The following BRINP2 variants were observed in gnomAD, a reference collection of about 807,000 sequenced individuals.
The protein encoded by BRINP2 is BMP/retinoic acid-inducible neural-specific protein 2.
In BRINP2, 21 loss-of-function variants were observed where a neutral mutation model predicts 69.2. The observed-to-expected ratio is 0.30, with a 90% CI of 0.22 to 0.44. BRINP2 has a LOEUF of 0.44. BRINP2 is among the 20% of genes least tolerant of loss of function. The pLI, the probability that BRINP2 is intolerant of heterozygous loss-of-function variation, is 1.00. For missense variants in BRINP2, 877 were observed against 986.0 expected, an observed-to-expected ratio of 0.89 and a Z score of 1.48; for synonymous variants, 380 against 394.1, an observed-to-expected ratio of 0.96 and a Z score of 0.42.
At chr1:177,173,326 T>C (rs1647994849) in intron 1 of BRINP2, among the ~76,000 whole-genome samples, 1 of 152,220 alleles carries the variant, frequency 6.6e-6, no homozygotes, top group South Asian at 2.1e-4. Flanking sequence ...AGCATGTATA[T>C]TGTGAAATAT....
intron 4 of BRINP2, among the ~76,000 whole-genome samples, chr1:177,263,395 C>G (rs1277667512): frequency 6.6e-6 from 1 of 152,126 alleles, no homozygotes; most frequent in Non-Finnish European, 1.5e-5. Flanking sequence ...GTGGTTCTGG[C>G]TTCAAAGGAG....
intron 2 of BRINP2, among the ~76,000 whole-genome samples, chr1:177,234,077 T>A (rs1225271951): frequency 6.6e-6 from 1 of 152,204 alleles, no homozygotes; most frequent in Non-Finnish European, 1.5e-5. Flanking sequence ...CATCTCTTAA[T>A]AGGCTCATGG....
chr1:177,249,342 T>C (rs1650507337), intron 2 of BRINP2, among the ~76,000 whole-genome samples: 1 of 152,330 alleles, frequency 6.6e-6, no homozygotes, highest in South Asian at 2.1e-4. Flanking sequence ...TTATAGCAGT[T>C]TACTGAAGTA....
chr1:177,182,313 T>TA (rs879601127), intron 1 of BRINP2, among the ~76,000 whole-genome samples: 8 of 152,046 alleles, frequency 5.3e-5, no homozygotes, highest in Admixed American at 5.2e-4. Flanking sequence ...TGTGTTAAGG[T>TA]ATTAATGACT....
rs1649806941 is a variant in BRINP2, at chr1:177,229,796, T to G, written c.-76-5T>G. On this transcript the variant is annotated splice_polypyrimidine_tract_variant and splice_region_variant and intron_variant, in intron 1 of 7. Coordinates refer to ENST00000361539, the MANE Select transcript of BRINP2 (RefSeq NM_021165.4). The stretch of plus-strand genomic sequence containing the variant: ...CAAATGACAATGCCTTTTGTACTTT[T>G]CCAGCTCCGAGCCCTGGAGGAGCAG... 1 of 1,500,352 alleles carries G rather than the reference T, an allele frequency of 6.7e-7. No individual in the cohort carries two copies. The highest frequency in any genetic ancestry group is 8.9e-7 in the Non-Finnish European group (1 of 1,122,180). The allele number at this position is 1,500,352 out of a possible 1,614,324, so 92.9% of individuals were successfully genotyped here.
At chr1:177,207,582 C>A (rs942480194) in intron 1 of BRINP2, among the ~76,000 whole-genome samples, 5 of 152,116 alleles carry the variant, frequency 3.3e-5, no homozygotes, top group Admixed American at 1.3e-4. Context: ...CCAGCTGTAC[C>A]ATTAGTCGCA....
intron 3 of BRINP2, 189 bp from the exon 4 acceptor site, chr1:177,256,987 G>A (rs751692289): frequency 3.4e-6 from 5 of 1,491,534 alleles, no homozygotes; most frequent in Middle Eastern, 1.8e-4. Context: ...TTCAGGCAGC[G>A]AGGCCGCTGG....
At chr1:177,279,565 G>T (rs767344149) in intron 7 of BRINP2, among the ~76,000 whole-genome samples, 1 of 152,182 alleles carries the variant, frequency 6.6e-6, no homozygotes. Flanking sequence ...CTGCCTTCAC[G>T]GCCAGCAACC....
At chr1:177,250,204 C>A (rs1382811348) in intron 2 of BRINP2, among the ~76,000 whole-genome samples, 2 of 152,222 alleles carry the variant, frequency 1.3e-5, no homozygotes, top group South Asian at 2.1e-4. Context: ...AGCCACCATG[C>A]CCACTTGAGT....
chr1:177,231,154 C>G (rs1311164710), intron 2 of BRINP2, among the ~76,000 whole-genome samples: 3 of 152,102 alleles, frequency 2.0e-5, no homozygotes, highest in African/African-American at 4.8e-5. Context: ...TTAGATTTAT[C>G]AACTTGCATG....
At chr1:177,266,541 C>T (rs1023464672) in intron 4 of BRINP2, among the ~76,000 whole-genome samples, 7 of 151,876 alleles carry the variant, frequency 4.6e-5, no homozygotes, top group South Asian at 2.1e-4. Context: ...GGGCGGATCA[C>T]GAGGTCAGGA....
chr1:177,227,109 T>A (rs1649716968), intron 1 of BRINP2, among the ~76,000 whole-genome samples: 1 of 152,214 alleles, frequency 6.6e-6, no homozygotes, highest in Non-Finnish European at 1.5e-5. Context: ...AACCAGATCA[T>A]GGGAGTGACA....
chr1:177,186,535 G>T (rs1648430723), intron 1 of BRINP2, among the ~76,000 whole-genome samples: 1 of 152,022 alleles, frequency 6.6e-6, no homozygotes, highest in Admixed American at 6.6e-5. Context: ...GGTCCTGAGG[G>T]TGAGATCGCT....
intron 4 of BRINP2, among the ~76,000 whole-genome samples, chr1:177,260,282 A>G (rs1650902366): frequency 6.6e-6 from 1 of 152,252 alleles, no homozygotes; most frequent in Non-Finnish European, 1.5e-5. Context: ...CTGCAATCTT[A>G]TGATAAAATG....
chr1:177,237,862 G>A (rs375988015), intron 2 of BRINP2, among the ~76,000 whole-genome samples: 58 of 152,268 alleles, frequency 3.8e-4, no homozygotes, highest in African/African-American at 1.3e-3. Context: ...GGACGCTGTC[G>A]AGTCATATGG....
chr1:177,173,658 C>T (rs537119063), intron 1 of BRINP2, among the ~76,000 whole-genome samples: 34 of 152,336 alleles, frequency 2.2e-4, no homozygotes, highest in South Asian at 6.2e-4. Flanking sequence ...GTGCTCCTTT[C>T]TGGCCTCCTG....
At chr1:177,240,379 C>G (rs919133084) in intron 2 of BRINP2, among the ~76,000 whole-genome samples, 1 of 152,052 alleles carries the variant, frequency 6.6e-6, no homozygotes, top group African/African-American at 2.4e-5. Context: ...AGGGCATTAC[C>G]CTTATTTGAT....
chr1:177,236,480 G>A (rs1650031926), intron 2 of BRINP2, among the ~76,000 whole-genome samples: 1 of 152,128 alleles, frequency 6.6e-6, no homozygotes, highest in African/African-American at 2.4e-5. Context: ...TAGAGACATA[G>A]TCATTCATTC....
chr1:177,207,407 A>G (rs537527118), intron 1 of BRINP2, among the ~76,000 whole-genome samples: 1 of 152,212 alleles, frequency 6.6e-6, no homozygotes, highest in African/African-American at 2.4e-5. Flanking sequence ...GTTGCTGAAA[A>G]CAAGTGTTGT....
Sources: gnomAD v4.1 joint callset for allele counts (sites outside exome capture counted in the v4.1 genomes callset) on GRCh38, gnomAD v4.1.1 for gene constraint, MANE v1.5 for transcripts, NCBI Gene and HGNC (gene_info 2026-07-23, HGNC 2026-07-21) for gene names.